The following FREM1 variants were observed in gnomAD, a reference collection of about 807,000 sequenced individuals.
The protein encoded by FREM1 is FRAS1-related extracellular matrix protein 1.
FREM1 carries 220 observed loss-of-function variants against 210.1 expected under a neutral mutation model. The observed-to-expected ratio is 1.05, with a 90% CI of 0.94 to 1.17. FREM1 has a LOEUF of 1.17. FREM1 is among the 50% of genes most tolerant of loss of function. FREM1 has a pLI of 0.00. For synonymous variants in FREM1, 1,189 were observed against 980.2 expected, an observed-to-expected ratio of 1.21 and a Z score of -3.98; for missense variants, 3,454 against 2,675.5, an observed-to-expected ratio of 1.29 and a Z score of -6.42.
At chr9:14,888,380 A>C (rs1836191022) in intron 1 of FREM1, among the ~76,000 whole-genome samples, 1 of 152,202 alleles carries the variant, frequency 6.6e-6, no homozygotes, top group African/African-American at 2.4e-5. Flanking sequence ...TACTCTTTGC[A>C]ATCACTTCAC....
At position 14,842,609 on chromosome 9, in the gene FREM1, C is replaced by T. The variant is rs373753929; in HGVS notation, c.1445G>A (p.Arg482His). ...GGAGTCGCTGTCATCATGATGATAG[C>T]GAACAACTCCAGCCTGGAGGTCAGC... ...TVADLQAGVV[R>H]YHHDDSDSTK... is the part of the protein sequence containing the mutation. The change falls in exon 9 of 37, where the codon CGC (arginine) becomes CAC (histidine). Residue 482 changes from arginine to histidine, a missense_variant. By Grantham distance (29) the Arg-to-His change is conservative. Coordinates refer to ENST00000380880, the MANE Select transcript of FREM1 (RefSeq NM_001379081.2). The T allele has an allele frequency of 1.4e-5, 23 of 1,613,934 alleles. No homozygotes were observed. Among genetic ancestry groups the T allele is most frequent in the African/African-American group, 5.3e-5 (4 of 75,038 alleles).
At chr9:14,821,314 T>C (rs1821268883) in intron 13 of FREM1, among the ~76,000 whole-genome samples, 1 of 151,664 alleles carries the variant, frequency 6.6e-6, no homozygotes, top group Non-Finnish European at 1.5e-5. Flanking sequence ...GAAGCTACCC[T>C]GCCATTCTTT....
Position 14,748,522 on chromosome 9 carries a change from A to C in FREM1, c.5675T>G (p.Leu1892Arg). The change falls in exon 31 of 37, where the codon CTG becomes CGG. Residue 1892 changes from leucine (L) to arginine (R), a missense_variant. Physicochemically the swap from Leu to Arg is moderately radical, Grantham distance 102. Transcript: ENST00000380880. ...SSSTTSGSFH[L>R]ERRPLPSSMQ... ...GGAAGATGGAAGAGGTCTTCTTTCC[A>C]GATGAAAGGAACCAGAAGTGGTGGA... is the stretch of plus-strand genomic sequence containing the variant. The C allele has an allele frequency of 6.2e-7, 1 of 1,613,842 alleles. No individual in the cohort carries two copies. The highest frequency in any genetic ancestry group is 8.5e-7 in the Non-Finnish European group (1 of 1,179,780).
chr9:14,850,291 T>A (rs560772574), intron 6 of FREM1: 1 of 152,170 alleles, frequency 6.6e-6, no homozygotes, highest in Non-Finnish European at 1.5e-5. Flanking sequence ...ATGGACTGTG[T>A]TTCACTGTGA....
chr9:14,856,435 C>A (rs1330268005), intron 5 of FREM1, among the ~76,000 whole-genome samples: 1 of 152,052 alleles, frequency 6.6e-6, no homozygotes, highest in Non-Finnish European at 1.5e-5. Context: ...TTTATGATTC[C>A]TTGTCATATC....
At chr9:14,750,636 T>C (rs1408148462) in intron 29 of FREM1, among the ~76,000 whole-genome samples, 1 of 152,212 alleles carries the variant, frequency 6.6e-6, no homozygotes, top group Non-Finnish European at 1.5e-5. Context: ...TCTTAATAGT[T>C]TAAAAAATCT....
intron 10 of FREM1, among the ~76,000 whole-genome samples, chr9:14,840,301 C>G (rs1552895): frequency 0.53 from 81,208 of 152,032 alleles, 23,962 homozygotes; most frequent in South Asian, 0.71. Context: ...AAATGCCTAG[C>G]AAAATGTACG....
intron 16 of FREM1, 31 bp downstream of exon 16, chr9:14,812,781 T>A (rs537162493): frequency 3.2e-5 from 51 of 1,572,498 alleles, no homozygotes; most frequent in Non-Finnish European, 4.0e-5. Flanking sequence ...GTTGCTTGCA[T>A]TCCCTCACTG....
In FREM1 at chr9:14,836,753, T is replaced by A. The variant is rs971562884; in HGVS notation, c.1881+4694A>T. On this transcript the variant is annotated intron_variant, in intron 10 of 36. Transcript: ENST00000380880. The surrounding 1 kb of genome is among the most constrained non-coding windows in gnomAD (Gnocchi z 4.9). ...TGCCATTCTTCCGAGGACCCTTAAA[T>A]CAATCCCAGGAGGAGCCCTAACTGC... Among the ~76,000 whole-genome samples the A allele has an allele frequency of 2.0e-5, 3 of 152,152 alleles. No homozygotes were observed. Among genetic ancestry groups the A allele is most frequent in the African/African-American group, 4.8e-5 (2 of 41,432 alleles).
At chr9:14,740,599 A>G (rs1418262861) in intron 35 of FREM1, among the ~76,000 whole-genome samples, 1 of 152,230 alleles carries the variant, frequency 6.6e-6, no homozygotes, top group Non-Finnish European at 1.5e-5. Context: ...TCTAGCTGGT[A>G]TAAATTTGGC....
intron 19 of FREM1, 81 bp downstream of exon 19, chr9:14,804,875 T>A (rs1818066090): frequency 9.6e-7 from 1 of 1,041,504 alleles, no homozygotes. Flanking sequence ...GTTAATGCAC[T>A]TGGAGCAATG....
At chr9:14,795,643 G>C (rs973509193) in intron 21 of FREM1, among the ~76,000 whole-genome samples, 1 of 152,226 alleles carries the variant, frequency 6.6e-6, no homozygotes, top group Non-Finnish European at 1.5e-5. Flanking sequence ...AGCTATTCCA[G>C]TGAGTTTAGT....
chr9:14,753,479 A>G (rs542338680), intron 29 of FREM1, among the ~76,000 whole-genome samples: 37 of 152,306 alleles, frequency 2.4e-4, no homozygotes, highest in African/African-American at 8.2e-4. Flanking sequence ...AGCTGAATGC[A>G]AAGTAGTTAG....
Position 14,873,412 on chromosome 9 carries a change from C to T in FREM1, c.-267-4168G>A, listed in dbSNP as rs184389897. ...TTTAGTCTTCGGAGGGTGTATGTGT[C>T]GAGGAATTTATCCATTTCTTCGATA... On this transcript the variant is annotated intron_variant, in intron 1 of 36. Transcript: ENST00000380880. Among the ~76,000 whole-genome samples, 613 of 152,200 alleles carry T rather than the reference C, an allele frequency of 4.0e-3. 4 individuals carry two copies. Among genetic ancestry groups the T allele is most frequent in the African/African-American group, 0.014 (575 of 41,526 alleles).
chr9:14,867,020 T>A (rs1212815712), intron 2 of FREM1, among the ~76,000 whole-genome samples: 2 of 152,040 alleles, frequency 1.3e-5, no homozygotes, highest in Admixed American at 1.3e-4. Context: ...CCACTACGCC[T>A]GGCTAATTTT....
At chr9:14,791,506 C>A (rs368162049) in intron 22 of FREM1, among the ~76,000 whole-genome samples, 3 of 152,180 alleles carry the variant, frequency 2.0e-5, no homozygotes, top group Non-Finnish European at 4.4e-5. Flanking sequence ...ATGACTCCCA[C>A]GTGAAGTTTT....
intron 8 of FREM1, among the ~76,000 whole-genome samples, chr9:14,843,989 T>C (rs1002199129): frequency 2.0e-5 from 3 of 152,204 alleles, no homozygotes; most frequent in African/African-American, 7.2e-5. Flanking sequence ...TACCCATTTG[T>C]AAAATGGGAA....
At chr9:14,744,592 A>G (rs138656361) in intron 35 of FREM1, among the ~76,000 whole-genome samples, 1 of 152,276 alleles carries the variant, frequency 6.6e-6, no homozygotes, top group East Asian at 1.9e-4. Context: ...TTATAAAATA[A>G]TTTATCAAAA....
intron 29 of FREM1, 89 bp from the exon 30 acceptor site, chr9:14,750,365 C>G: frequency 9.6e-7 from 1 of 1,037,282 alleles, no homozygotes; most frequent in Non-Finnish European, 1.4e-6. Flanking sequence ...ATGTCTACAG[C>G]TAGACTGCAG....
Sources: allele counts gnomAD v4.1 joint callset (sites outside exome capture counted in the v4.1 genomes callset), GRCh38; gene constraint gnomAD v4.1.1; non-coding constraint Gnocchi (gnomAD v3.1); transcripts MANE v1.5; gene names NCBI Gene and HGNC (gene_info 2026-07-23, HGNC 2026-07-21).